KIAA0586: variants seen among roughly 807,000 people sequenced by gnomAD.
KIAA0586 encodes the protein KIAA0586.
KIAA0586 carries 144 observed loss-of-function variants against 169.8 expected under a neutral mutation model. The ratio of observed to expected loss-of-function variants is 0.85; its 90% confidence interval spans 0.74 to 0.97. The LOEUF is 0.97. Among genes scored for constraint, KIAA0586 ranks in the 50% least tolerant of loss-of-function variants. KIAA0586 has a pLI of 0.00. For missense variants in KIAA0586, 1,854 were observed against 1,823.0 expected (o/e 1.02, Z -0.31); for synonymous variants, 625 against 612.4 (o/e 1.02, Z -0.30).
chr14:58,457,884 CAAT>C lies in KIAA0586; in HGVS notation c.1491_1493del (p.Asn497del). The C allele has an allele frequency of 6.2e-7, 1 of 1,607,058 alleles. No homozygotes were observed. ...AGAAGATTTTGAGAGGAGTACAAAA[CAAT>C]AAAAAAGTACTTGAAGAAAACCTGG... On this transcript the variant is annotated inframe_deletion, in exon 11 of 31. Transcript: ENST00000652326.
chr14:58,504,324 C>T (rs1325606868), intron 27 of KIAA0586, among the ~76,000 whole-genome samples: 1 of 152,046 alleles, frequency 6.6e-6, no homozygotes, highest in African/African-American at 2.4e-5. Flanking sequence ...ACAAAAGAAG[C>T]AGAAAGTCTA....
chr14:58,499,953 G>T (rs2043440183), intron 27 of KIAA0586, among the ~76,000 whole-genome samples: 1 of 152,198 alleles, frequency 6.6e-6, no homozygotes, highest in East Asian at 1.9e-4. Flanking sequence ...AGATAATACT[G>T]TAGACATTTA....
chr14:58,523,664 A>G (rs1276453700), intron 29 of KIAA0586, among the ~76,000 whole-genome samples: 2 of 151,844 alleles, frequency 1.3e-5, no homozygotes, highest in Non-Finnish European at 2.9e-5. Context: ...TCTCCAGTTC[A>G]ACAGAACCAA....
intron 4 of KIAA0586, among the ~76,000 whole-genome samples, chr14:58,438,184 T>C (rs1423242782): frequency 1.3e-5 from 2 of 152,192 alleles, no homozygotes; most frequent in Non-Finnish European, 2.9e-5. Context: ...AATAATTGCT[T>C]CTTAATGGGA....
chr14:58,457,596 A>G (rs1419316239), intron 10 of KIAA0586, among the ~76,000 whole-genome samples, 163 bp from the exon 11 acceptor site: 2 of 152,158 alleles, frequency 1.3e-5, no homozygotes, highest in Admixed American at 1.3e-4. Flanking sequence ...TGGAGGAAAA[A>G]CACTTTGATT....
the KIAA0586 span, among the ~76,000 whole-genome samples, chr14:58,560,179 C>A: frequency 3.3e-5 from 5 of 151,128 alleles, no homozygotes; most frequent in Non-Finnish European, 7.4e-5. Context: ...GATGCACAGG[C>A]CCCACTCCAT....
chr14:58,537,806 C>G (rs1292037366), intron 29 of KIAA0586, among the ~76,000 whole-genome samples: 1 of 152,018 alleles, frequency 6.6e-6, no homozygotes, highest in East Asian at 1.9e-4. Flanking sequence ...TGCCACCACG[C>G]CCGGCTAATT....
chr14:58,546,556 T>C (rs2046997077), intron 30 of KIAA0586, among the ~76,000 whole-genome samples: 1 of 152,242 alleles, frequency 6.6e-6, no homozygotes, highest in Non-Finnish European at 1.5e-5. Flanking sequence ...ACGTATTTAT[T>C]ATTCTTATGT....
At chr14:58,521,586 G>T in intron 29 of KIAA0586, 1 of 995,062 alleles carries the variant, frequency 1.0e-6, no homozygotes, top group East Asian at 2.6e-5. Flanking sequence ...AGGGGAAAAA[G>T]TGGCTTCAAT....
At chr14:58,494,418 GTT>G (rs547249989) in intron 26 of KIAA0586, among the ~76,000 whole-genome samples, 1 of 139,682 alleles carries the variant, frequency 7.2e-6, no homozygotes, top group Non-Finnish European at 1.6e-5. Flanking sequence ...TTTGTTGTCT[GTT>G]TTTTTTTTCT....
At chr14:58,465,196 A>C (rs964476167) in intron 14 of KIAA0586, among the ~76,000 whole-genome samples, 2 of 152,222 alleles carry the variant, frequency 1.3e-5, no homozygotes, top group African/African-American at 2.4e-5. Flanking sequence ...AGATAAGGAG[A>C]GACTACTGTA....
At position 58,485,639 on chromosome 14, in the gene KIAA0586, GGA is replaced by G. The variant is rs376346425; in HGVS notation, c.3145-1361_3145-1360del. On this transcript the variant is annotated intron_variant, in intron 21 of 30. Transcript: ENST00000652326. ...GCTCTAGGTAGAAAGGACAAGAGTA[GGA>G]GAGAGACTTAATTTTCACTATCCTT... 1.8e-4 allele frequency among the ~76,000 whole-genome samples: 27 copies of G among 152,290 alleles called. No homozygotes were observed. In the East Asian group the frequency reaches 4.8e-3, roughly 27 times the overall value.
At chr14:58,430,789 G>A (rs747130774) in intron 3 of KIAA0586, 72 bp downstream of exon 3, 53 of 808,222 alleles carry the variant, frequency 6.6e-5, no homozygotes, top group Non-Finnish European at 9.9e-5. Context: ...ACTTTAAAAT[G>A]TACAGTTCTG....
intron 27 of KIAA0586, among the ~76,000 whole-genome samples, chr14:58,500,570 T>A (rs2043493306): frequency 6.6e-6 from 1 of 152,094 alleles, no homozygotes; most frequent in African/African-American, 2.4e-5. Flanking sequence ...CCGGGCATAG[T>A]GGCAGATGCC....
chr14:58,520,582 C>T (rs1008776087), intron 29 of KIAA0586, among the ~76,000 whole-genome samples: 24 of 152,002 alleles, frequency 1.6e-4, no homozygotes, highest in Non-Finnish European at 2.5e-4. Flanking sequence ...AGTGCAGTGG[C>T]GTGATCATGG....
intron 30 of KIAA0586, among the ~76,000 whole-genome samples, chr14:58,545,368 A>G (rs1463742665): frequency 6.6e-6 from 1 of 152,238 alleles, no homozygotes; most frequent in Non-Finnish European, 1.5e-5. Flanking sequence ...AGCTCTTATT[A>G]CAACATTGAG....
intron 29 of KIAA0586, 83 bp from the exon 30 acceptor site, chr14:58,539,987 TG>T: frequency 1.2e-6 from 1 of 808,584 alleles, no homozygotes; most frequent in South Asian, 1.7e-5. Flanking sequence ...GCATTTGGTT[TG>T]TGTTCTTTTA....
chr14:58,461,925 T>C (rs1373536512), intron 14 of KIAA0586, among the ~76,000 whole-genome samples: 1 of 152,334 alleles, frequency 6.6e-6, no homozygotes, highest in Non-Finnish European at 1.5e-5. Flanking sequence ...TAAATACAAC[T>C]TTTGGTTATA....
At chr14:58,551,639 G>A (rs1238088631), downstream of KIAA0586, among the ~76,000 whole-genome samples, 1 of 152,072 alleles carries the variant, frequency 6.6e-6, no homozygotes, top group African/African-American at 2.4e-5. Flanking sequence ...GCGTGTGCCT[G>A]TAGTCCCAGC....
Sources: allele counts gnomAD v4.1 joint callset (sites outside exome capture counted in the v4.1 genomes callset), GRCh38; gene constraint gnomAD v4.1.1; transcripts MANE v1.5; gene names NCBI Gene and HGNC (gene_info 2026-07-23, HGNC 2026-07-21).